The following RAP1A variants were observed in gnomAD, a reference collection of about 807,000 sequenced individuals.
The protein encoded by RAP1A is RAP1A, member of RAS oncogene family, also known as ras-related protein Rap-1A.
Under a neutral mutation model 26.4 loss-of-function variants are expected in RAP1A, and 6 were observed. The observed-to-expected ratio is 0.23, with a 90% CI of 0.12 to 0.45. The LOEUF is 0.45. RAP1A is among the 20% of genes least tolerant of loss of function. The pLI is 0.99. For missense variants in RAP1A, 121 were observed against 217.2 expected (o/e 0.56, Z 2.78); for synonymous variants, 73 against 79.4 (o/e 0.92, Z 0.43).
chr1:111,596,442 T>C (rs146769478), intron 1 of RAP1A, among the ~76,000 whole-genome samples: 31 of 152,358 alleles, frequency 2.0e-4, no homozygotes, highest in African/African-American at 7.2e-4. Flanking sequence ...AAGGAATGGT[T>C]AAATTATAAC....
intron 1 of RAP1A, among the ~76,000 whole-genome samples, chr1:111,672,804 T>A (rs1571549040): frequency 6.6e-6 from 1 of 152,204 alleles, no homozygotes; most frequent in East Asian, 1.9e-4. Context: ...TTTGTCTTTG[T>A]TTTTAGGGTT....
At chr1:111,703,000 G>A (rs1023659269) in intron 4 of RAP1A, among the ~76,000 whole-genome samples, 2 of 152,104 alleles carry the variant, frequency 1.3e-5, no homozygotes, top group Middle Eastern at 3.2e-3. Flanking sequence ...TTTAGTATTG[G>A]GCTTATACCT....
At chr1:111,607,646 C>A (rs182352156) in intron 1 of RAP1A, among the ~76,000 whole-genome samples, 5,411 of 145,514 alleles carry the variant, frequency 0.037, 232 homozygotes, top group African/African-American at 0.093. Context: ...GGGGGGCTGA[C>A]CCCGCCACGT....
chr1:111,649,385 G>T, intron 1 of RAP1A: 1 of 373,042 alleles, frequency 2.7e-6, no homozygotes, highest in Admixed American at 3.0e-5. Flanking sequence ...CCTGCAGCCA[G>T]ACCCCAAGCT....
At chr1:111,553,137 A>G (rs891192916) in intron 1 of RAP1A, among the ~76,000 whole-genome samples, 15 of 152,230 alleles carry the variant, frequency 9.9e-5, no homozygotes, top group African/African-American at 3.6e-4. Flanking sequence ...TTGTAAGCAG[A>G]GGCACAGATG....
intron 1 of RAP1A, among the ~76,000 whole-genome samples, chr1:111,636,342 C>CT (rs1659728907): frequency 6.6e-6 from 1 of 152,028 alleles, no homozygotes; most frequent in African/African-American, 2.4e-5. Context: ...ACAACAAACA[C>CT]TATGGCAATA....
At chr1:111,644,593 G>A (rs1660006898) in intron 1 of RAP1A, among the ~76,000 whole-genome samples, 2 of 152,044 alleles carry the variant, frequency 1.3e-5, no homozygotes, top group Admixed American at 1.3e-4. Flanking sequence ...AGTGTCACAA[G>A]GCTGTTACCA....
At chr1:111,705,747 G>GA (rs1443562857) in intron 6 of RAP1A, among the ~76,000 whole-genome samples, 3 of 152,020 alleles carry the variant, frequency 2.0e-5, no homozygotes, top group African/African-American at 7.2e-5. Context: ...AATAATTAAA[G>GA]AAAAAAAGTG....
chr1:111,650,379 G>A (rs887686869), intron 1 of RAP1A: 2 of 151,826 alleles, frequency 1.3e-5, no homozygotes, highest in African/African-American at 4.8e-5. Context: ...TGAATTTCCG[G>A]CTTTTCTGCA....
At chr1:111,626,874 C>T (rs72695276) in intron 1 of RAP1A, among the ~76,000 whole-genome samples, 19,546 of 152,090 alleles carry the variant, frequency 0.13, 1,591 homozygotes, top group South Asian at 0.17. Flanking sequence ...GAGCCTTGTG[C>T]AGTTTCATAA....
At chr1:111,546,922 C>T (rs1462369944) in intron 1 of RAP1A, among the ~76,000 whole-genome samples, 3 of 152,156 alleles carry the variant, frequency 2.0e-5, no homozygotes, top group Non-Finnish European at 4.4e-5. Context: ...TCCATATCGT[C>T]ACCAACATTG....
At chr1:111,660,293 A>G (rs541106129) in intron 1 of RAP1A, among the ~76,000 whole-genome samples, 1 of 152,224 alleles carries the variant, frequency 6.6e-6, no homozygotes, top group East Asian at 1.9e-4. Context: ...CTGTTCTGCT[A>G]TAGGTAAGAT....
intron 4 of RAP1A, among the ~76,000 whole-genome samples, chr1:111,701,963 C>T (rs1235501821): frequency 1.3e-5 from 2 of 152,172 alleles, no homozygotes; most frequent in African/African-American, 2.4e-5. Flanking sequence ...AATACACTGG[C>T]AGCAGTATAG....
chr1:111,675,357 A>AG (rs1260801135), intron 1 of RAP1A, among the ~76,000 whole-genome samples: 16 of 152,230 alleles, frequency 1.1e-4, no homozygotes, highest in Admixed American at 9.8e-4. Context: ...CTGTAGTCTC[A>AG]GCTACTCGGG....
At chr1:111,601,463 G>C (rs6685366) in intron 1 of RAP1A, among the ~76,000 whole-genome samples, 7,555 of 152,310 alleles carry the variant, frequency 0.05, 239 homozygotes, top group South Asian at 0.086. Context: ...AGATTTTACT[G>C]AATAGACTTA....
At chr1:111,597,433 A>C (rs538028635) in intron 1 of RAP1A, among the ~76,000 whole-genome samples, 1 of 152,328 alleles carries the variant, frequency 6.6e-6, no homozygotes, top group African/African-American at 2.4e-5. Context: ...TGAACATTAC[A>C]AGTGGATTTT....
At chr1:111,594,730 T>C (rs1658534846) in intron 1 of RAP1A, among the ~76,000 whole-genome samples, 1 of 152,170 alleles carries the variant, frequency 6.6e-6, no homozygotes, top group Admixed American at 6.5e-5. Flanking sequence ...TCTGCTCACC[T>C]GAGCCCACTG....
chr1:111,696,346 A>C (rs1166843230), intron 3 of RAP1A, among the ~76,000 whole-genome samples: 1 of 152,234 alleles, frequency 6.6e-6, no homozygotes, highest in Non-Finnish European at 1.5e-5. Flanking sequence ...TTAATTTGTT[A>C]GTTCATGAAG....
chr1:111,708,264 A>G (rs1662262432), intron 6 of RAP1A, among the ~76,000 whole-genome samples: 1 of 152,194 alleles, frequency 6.6e-6, no homozygotes. Context: ...TTTAACCAAA[A>G]TTAACATCAA....
Sources: allele counts gnomAD v4.1 joint callset (sites outside exome capture counted in the v4.1 genomes callset), GRCh38; gene constraint gnomAD v4.1.1; transcripts MANE v1.5; gene names NCBI Gene and HGNC (gene_info 2026-07-23, HGNC 2026-07-21).